The following STAB1 variants were observed in gnomAD, a reference collection of about 807,000 sequenced individuals.
The protein encoded by STAB1 is stabilin-1.
Under a neutral mutation model 332.4 loss-of-function variants are expected in STAB1, and 250 were observed. The observed-to-expected ratio is 0.75, with a 90% CI of 0.68 to 0.84. The LOEUF is 0.84. Ranked by LOEUF, STAB1 falls within the 40% of genes least tolerant of loss-of-function variation. The probability of loss-of-function intolerance (pLI) is 0.00; values close to 1 mark genes in which losing one functional copy is unlikely to be tolerated. For missense variants in STAB1, 3,249 were observed against 3,489.7 expected (o/e 0.93, Z 1.74); for synonymous variants, 1,475 against 1,390.4 (o/e 1.06, Z -1.35).
chr3:52,505,159 C>T lies in STAB1; in HGVS notation c.1518+16C>T, dbSNP rs545083411. The T allele has an allele frequency of 4.3e-6, 7 of 1,609,718 alleles. No individual in the cohort carries two copies. Among genetic ancestry groups the T allele is most frequent in the South Asian group, 2.2e-5 (2 of 90,652 alleles). Reference sequence around the variant, plus strand: ...GGATCCCAAGGTGAGCCAGCATCCTCCCCTCCCCTCCCCTGTGCTGCTGGG... The same window carrying T: ...GGATCCCAAGGTGAGCCAGCATCCTTCCCTCCCCTCCCCTGTGCTGCTGGG... On this transcript the variant is annotated intron_variant, in intron 13 of 68. Transcript: ENST00000321725.
At chr3:52,519,163 C>T (rs2153233993) in intron 48 of STAB1, 101 bp from the exon 49 acceptor site, 2 of 1,483,194 alleles carry the variant, frequency 1.3e-6, no homozygotes, top group South Asian at 1.3e-5. Flanking sequence ...GGACTGCCTG[C>T]ACCCTGACTT....
chr3:52,515,619 T>G, intron 37 of STAB1, 113 bp downstream of exon 37: 3 of 1,138,378 alleles, frequency 2.6e-6, no homozygotes, highest in Non-Finnish European at 3.9e-6. Context: ...GGGCTGGGAC[T>G]AGGGTGAGGC....
At position 52,503,845 on chromosome 3, in the gene STAB1, C is replaced by T. The variant is rs775364176; in HGVS notation, c.965C>T (p.Ser322Phe). Residue 322 changes from serine (S) to phenylalanine (F), a missense_variant, in exon 9 of 69, where the codon TCC (serine) becomes TTC (phenylalanine). By Grantham distance (155) the Ser-to-Phe change is radical (BLOSUM62 -2). Transcript: ENST00000321725. ...TCTGCGGGCTGCTTCGCCTTCTGCT[C>T]CCCCTTCTCCTGCGACCGGTCTGCC... The part of the protein sequence containing the change: ...NASAGCFAFC[S>F]PFSCDRSATC... 1.2e-6 allele frequency: 2 copies of T among 1,613,252 alleles called. No homozygotes were observed. The highest frequency in any genetic ancestry group is 1.7e-6 in the Non-Finnish European group (2 of 1,180,026).
rs753637806 is a variant in STAB1, at chr3:52,524,102, G to A, written c.7545G>A (p.Ala2515=). Residue 2515 remains alanine (A), a splice_region_variant and synonymous_variant, in exon 68 of 69, where the codon GCG becomes GCA. Coordinates refer to ENST00000321725, the MANE Select transcript of STAB1 (RefSeq NM_015136.3). ...ACTCACCCCTCTGCTGCTCCCAGGC[G>A]GAAGATGATGCTGATGACGACTTCT... ...PMGFGFSAFQ[A]EDDADDDFSP... is the part of the protein sequence containing the mutation. 5.6e-6 allele frequency: 9 copies of A among 1,613,354 alleles called. No homozygotes were observed. The highest frequency in any genetic ancestry group is 2.2e-5 in the East Asian group (1 of 44,894).
At chr3:52,496,227 G>A (rs1234269508) in intron 1 of STAB1, among the ~76,000 whole-genome samples, 1 of 152,240 alleles carries the variant, frequency 6.6e-6, no homozygotes, top group African/African-American at 2.4e-5. Context: ...CCTCGGTCAG[G>A]TCCCTGTGAC....
Position 52,506,206 on chromosome 3 carries a change from C to T in STAB1, c.1786C>T (p.Leu596Phe), listed in dbSNP as rs768441579. The T allele has an allele frequency of 1.5e-5, 25 of 1,612,932 alleles. No homozygotes were observed. In the South Asian group the frequency reaches 2.8e-4, roughly 18 times the overall value. Residue 596 changes from leucine (L) to phenylalanine (F), a missense_variant, in exon 17 of 69, where the codon CTC becomes TTC. By Grantham distance (22) the Leu-to-Phe change is conservative (BLOSUM62 0). Transcript: ENST00000321725. ...VEKLISKGRI[L>F]TMANQVLAVN... is the part of the protein sequence containing the mutation. ...GAAGCTCATCTCCAAGGGTCGGATC[C>T]TCACCATGGCGAACCAGGTCCTGGC...
rs748329845 is a variant in STAB1, at chr3:52,523,649, C to T, written c.7291-3C>T. The stretch of plus-strand genomic sequence containing the variant: ...AGTGGGCCTGACTCTGGTCTCCCTG[C>T]AGGCCCCAGGGACAGTTGTGGTTAG... On this transcript the variant is annotated splice_polypyrimidine_tract_variant and splice_region_variant and intron_variant, in intron 65 of 68. Transcript: ENST00000321725. 3.1e-6 allele frequency: 5 copies of T among 1,612,908 alleles called. No homozygotes were observed. The highest frequency in any genetic ancestry group is 1.7e-5 in the Admixed American group (1 of 60,026).
Position 52,517,384 on chromosome 3 carries a change from C to A in STAB1, c.4554C>A (p.Gly1518=). The part of the protein sequence containing the change: ...CHIHAECIPT[G]PQQVSCSCRE... ...TTCACGCCGAGTGCATCCCCACTGG[C>A]CCCCAGCAGGTCAGCATGGCAGGGT... Residue 1518 remains glycine, a synonymous_variant, in exon 43 of 69, where the codon GGC becomes GGA. Transcript: ENST00000321725. 6.2e-7 allele frequency: 1 copy of A among 1,603,500 alleles called. No homozygotes were observed.
At chr3:52,519,135 C>T in intron 48 of STAB1, 129 bp from the exon 49 acceptor site, 1 of 1,287,612 alleles carries the variant, frequency 7.8e-7, no homozygotes, top group Non-Finnish European at 1.1e-6. Flanking sequence ...CCCACCTCGT[C>T]CTGGTCCCGA....
rs1237754257 is a variant in STAB1, at chr3:52,517,360, T to G, written c.4530T>G (p.Ile1510Met). Reference sequence around the variant, plus strand: ...TCATCCACCACGGGGGCTGCCACATTCACGCCGAGTGCATCCCCACTGGCC... The same window carrying G: ...TCATCCACCACGGGGGCTGCCACATGCACGCCGAGTGCATCCCCACTGGCC... Reference protein sequence around the residue: ...SCLIHHGGCHIHAECIPTGPQ... With the variant: ...SCLIHHGGCHMHAECIPTGPQ... The change falls in exon 43 of 69, where the codon ATT becomes ATG. Residue 1510 changes from isoleucine (I) to methionine (M), a missense_variant. By Grantham distance (10) the Ile-to-Met change is conservative (BLOSUM62 1). Coordinates refer to ENST00000321725, the MANE Select transcript of STAB1 (RefSeq NM_015136.3). 2 of 1,605,066 alleles carry G rather than the reference T, an allele frequency of 1.2e-6. No homozygotes were observed. The highest frequency in any genetic ancestry group is 1.7e-6 in the Non-Finnish European group (2 of 1,176,276).
intron 37 of STAB1, 59 bp downstream of exon 37, chr3:52,515,565 G>A: frequency 6.3e-7 from 1 of 1,583,518 alleles, no homozygotes; most frequent in Non-Finnish European, 8.6e-7. Flanking sequence ...GGAGTGGGTG[G>A]GGGCCCAGGG....
intron 6 of STAB1, 93 bp downstream of exon 6, chr3:52,502,820 C>A: frequency 7.1e-7 from 1 of 1,400,564 alleles, no homozygotes; most frequent in Non-Finnish European, 9.8e-7. Flanking sequence ...TGAGCCTCAG[C>A]AGGACCTCCG....
At chr3:52,521,981 G>A (rs752714660) in intron 58 of STAB1, 30 bp downstream of exon 58, 2 of 1,606,882 alleles carry the variant, frequency 1.2e-6, no homozygotes, top group East Asian at 2.2e-5. Context: ...CATGGAGGTG[G>A]GAGGCCCCCA....
intron 55 of STAB1, 94 bp from the exon 56 acceptor site, chr3:52,521,262 TAGGTC>T (rs1362193183): frequency 6.5e-7 from 1 of 1,532,608 alleles, no homozygotes; most frequent in Non-Finnish European, 8.9e-7. Context: ...TGGGCGGACA[TAGGTC>T]AGGGACAGAT....
At chr3:52,511,520 G>T in intron 25 of STAB1, 130 bp from the exon 26 acceptor site, 1 of 697,328 alleles carries the variant, frequency 1.4e-6, no homozygotes, top group East Asian at 3.0e-5. Flanking sequence ...TGAGAGGAGG[G>T]CTGGGAGAAG....
intron 7 of STAB1, 58 bp from the exon 8 acceptor site, chr3:52,503,286 G>T (rs1299979639): frequency 1.4e-5 from 22 of 1,552,012 alleles, no homozygotes; most frequent in Non-Finnish European, 1.9e-5. Context: ...TGAAAGCTGT[G>T]GCGGAGACAG....
At position 52,509,983 on chromosome 3, in the gene STAB1, G is replaced by T; in HGVS notation, c.2461G>T (p.Asp821Tyr). 1 of 1,610,558 alleles carries T rather than the reference G, an allele frequency of 6.2e-7. No homozygotes were observed. Among genetic ancestry groups the T allele is most frequent in the Non-Finnish European group, 8.5e-7 (1 of 1,178,292 alleles). ...CCGGTTCTGCAACGAGTCCATGGGG[G>T]ACTGTGGGCCCACAGGGCTGGCCCA... ...SGRFCNESMG[D>Y]CGPTGLAQHC... Residue 821 changes from aspartate to tyrosine, a missense_variant, in exon 23 of 69, where the codon GAC becomes TAC. Transcript: ENST00000321725.
Position 52,502,705 on chromosome 3 carries a change from C to T in STAB1, c.561C>T (p.Tyr187=), listed in dbSNP as rs1578358672. The T allele has an allele frequency of 6.2e-7, 1 of 1,613,428 alleles. No homozygotes were observed. Among genetic ancestry groups the T allele is most frequent in the Non-Finnish European group, 8.5e-7 (1 of 1,179,792 alleles). Residue 187 remains tyrosine (Y), a synonymous_variant, in exon 6 of 69, where the codon TAC becomes TAT. Coordinates refer to ENST00000321725, the MANE Select transcript of STAB1 (RefSeq NM_015136.3). ...GAAGCTGCCTGTGCTTTGCTGGATACACTGGCCCCCACTGTGATCAAGGTG... is the reference window on the plus strand; with the variant it reads ...GAAGCTGCCTGTGCTTTGCTGGATATACTGGCCCCCACTGTGATCAAGGTG... ...GDGSCLCFAG[Y]TGPHCDQELP...
In STAB1 at chr3:52,505,344, C is replaced by T. The variant is rs1708774601; in HGVS notation, c.1544C>T (p.Ser515Phe). The change falls in exon 14 of 69, where the codon TCT becomes TTT. Residue 515 changes from serine to phenylalanine, a missense_variant. Transcript: ENST00000321725. Reference protein sequence around the residue: ...PKRTIGQILASTEAFSRFETI... With the variant: ...PKRTIGQILAFTEAFSRFETI... ...AGAACTATCGGACAGATCCTCGCCT[C>T]TACCGAGGCCTTCAGCCGCTTTGAA... 1 of 1,613,700 alleles carries T rather than the reference C, an allele frequency of 6.2e-7. No individual in the cohort carries two copies. Among genetic ancestry groups the T allele is most frequent in the East Asian group, 2.2e-5 (1 of 44,884 alleles).
Sources: allele counts gnomAD v4.1 joint callset (sites outside exome capture counted in the v4.1 genomes callset), GRCh38; gene constraint gnomAD v4.1.1; transcripts MANE v1.5; gene names NCBI Gene and HGNC (gene_info 2026-07-23, HGNC 2026-07-21).